Variants in FAH observed in about 807,000 individuals in gnomAD.
The protein encoded by FAH is fumarylacetoacetase.
FAH carries 47 observed loss-of-function variants against 55.8 expected under a neutral mutation model. That is an observed-to-expected ratio of 0.84 (90% CI 0.67 to 1.07). FAH has a LOEUF of 1.07. FAH is among the 50% of genes least tolerant of loss of function. The pLI, the probability that FAH is intolerant of heterozygous loss-of-function variation, is 0.00. For synonymous variants in FAH, 199 were observed against 207.7 expected, an observed-to-expected ratio of 0.96 and a Z score of 0.36; for missense variants, 495 against 545.9, an observed-to-expected ratio of 0.91 and a Z score of 0.93.
chr15:80,180,415 G>A, intron 12 of FAH, 190 bp downstream of exon 12: 1 of 606,258 alleles, frequency 1.6e-6, no homozygotes, highest in Admixed American at 2.5e-5. Context: ...CAAACCTAAA[G>A]AGACTGGTGT....
At position 80,160,410 on chromosome 15, in the gene FAH, T is replaced by G. The variant is rs1425547227; in HGVS notation, c.315T>G (p.Cys105Trp). Reference sequence around the variant, plus strand: ...TGAAGCCCCTGGTTCTGTGTTTCAGTGCATTCATCTCCCAGGCTTCTGCCA... The same window carrying G: ...TGAAGCCCCTGGTTCTGTGTTTCAGGGCATTCATCTCCCAGGCTTCTGCCA... ...RLRDDTELRK[C>W]AFISQASATM... The change falls in exon 4 of 14, where the codon TGT becomes TGG. Residue 105 changes from cysteine to tryptophan, a missense_variant and splice_region_variant. Cys to Trp is a radical substitution (Grantham distance 215). Transcript: ENST00000561421. 6.2e-7 allele frequency: 1 copy of G among 1,614,242 alleles called. No individual in the cohort carries two copies. Among genetic ancestry groups the G allele is most frequent in the Admixed American group, 1.7e-5 (1 of 60,032 alleles).
chr15:80,185,822 T>A (rs1190777280), intron 13 of FAH, among the ~76,000 whole-genome samples: 1 of 152,152 alleles, frequency 6.6e-6, no homozygotes, highest in African/African-American at 2.4e-5. Context: ...GGAGCTATAA[T>A]TCAAAATGAG....
Position 80,160,442 on chromosome 15 carries a change from A to G in FAH, c.347A>G (p.His116Arg). ...ATCTCCCAGGCTTCTGCCACGATGC[A>G]CCTTCCAGCCACCATAGGTGAGTGC... ...AFISQASATM[H>R]LPATIGDYTD... is the part of the protein sequence containing the mutation. Residue 116 changes from histidine to arginine, a missense_variant, in exon 4 of 14, where the codon CAC becomes CGC. By Grantham distance (29) the His-to-Arg change is conservative (BLOSUM62 0). Transcript: ENST00000561421. The G allele has an allele frequency of 6.2e-7, 1 of 1,614,142 alleles. No homozygotes were observed. The highest frequency in any genetic ancestry group is 1.1e-5 in the South Asian group (1 of 91,082).
chr15:80,162,223 T>A (rs2142093902), intron 4 of FAH, 23 bp from the exon 5 acceptor site: 2 of 1,595,194 alleles, frequency 1.3e-6, no homozygotes, highest in East Asian at 4.5e-5. Flanking sequence ...GCTGATGGGA[T>A]CTGTTGGGTC....
At chr15:80,163,233 A>C (rs2041164478) in intron 5 of FAH, 1 of 152,556 alleles carries the variant, frequency 6.6e-6, no homozygotes, top group African/African-American at 2.4e-5. Context: ...ATCTGAGACC[A>C]GAACCCAGGC....
chr15:80,161,786 AG>A (rs2041151635), intron 4 of FAH, among the ~76,000 whole-genome samples: 1 of 152,168 alleles, frequency 6.6e-6, no homozygotes, highest in African/African-American at 2.4e-5. Context: ...GGGGATTTGG[AG>A]GGGGAAGAGA....
chr15:80,183,200 G>A (rs965400988), intron 13 of FAH, among the ~76,000 whole-genome samples: 5 of 152,208 alleles, frequency 3.3e-5, no homozygotes, highest in Non-Finnish European at 5.9e-5. Flanking sequence ...AGAAGCACAT[G>A]TTGGCAAGTG....
At chr15:80,171,953 G>A (rs1224403876) in intron 7 of FAH, among the ~76,000 whole-genome samples, 196 bp from the exon 8 acceptor site, 31 of 152,152 alleles carry the variant, frequency 2.0e-4, no homozygotes, top group Non-Finnish European at 1.2e-4. Flanking sequence ...CGGGGGCAGG[G>A]CACACCACTG....
At chr15:80,162,367 T>C (rs2041156789) in intron 5 of FAH, 31 bp downstream of exon 5, 1 of 1,553,990 alleles carries the variant, frequency 6.4e-7, no homozygotes, top group Non-Finnish European at 8.9e-7. Context: ...CTGCATAAGT[T>C]CAAAGTCTTT....
At chr15:80,171,889 T>C (rs2041243870) in intron 7 of FAH, among the ~76,000 whole-genome samples, 1 of 152,120 alleles carries the variant, frequency 6.6e-6, no homozygotes, top group African/African-American at 2.4e-5. Context: ...TGGGATGCAC[T>C]GAAGGGAGGG....
chr15:80,172,860 C>T (rs978093043), intron 8 of FAH, among the ~76,000 whole-genome samples, 154 bp from the exon 9 acceptor site: 6 of 151,750 alleles, frequency 4.0e-5, no homozygotes, highest in Non-Finnish European at 5.9e-5. Flanking sequence ...ATTGAATGCT[C>T]TTGCCCCTTT....
rs79635104 is a variant in FAH at position 80,168,714 on chromosome 15, A to C, written c.606+398A>C. Among the ~76,000 whole-genome samples the C allele has an allele frequency of 9.0e-3, 1,371 of 152,224 alleles. 10 individuals are homozygous for C. The highest frequency in any genetic ancestry group is 0.027 in the Middle Eastern group (8 of 294). ...TGTCCTTTGTAGTCTATTCGGTGCCATGTTTTTTGCAGATCTGTGCTTTTT... is the reference window on the plus strand; with the variant it reads ...TGTCCTTTGTAGTCTATTCGGTGCCCTGTTTTTTGCAGATCTGTGCTTTTT... On this transcript the variant is annotated intron_variant, in intron 7 of 13. Transcript: ENST00000561421.
At chr15:80,171,742 G>A (rs987931399) in intron 7 of FAH, among the ~76,000 whole-genome samples, 1 of 152,184 alleles carries the variant, frequency 6.6e-6, no homozygotes, top group South Asian at 2.1e-4. Context: ...GATTATAGAC[G>A]TGAGCCACAG....
intron 3 of FAH, chr15:80,160,119 C>T (rs1292009764): frequency 9.4e-6 from 6 of 636,178 alleles, no homozygotes; most frequent in African/African-American, 9.1e-5. Context: ...TTGGCCCTCT[C>T]TCTTACTCAG....
intron 13 of FAH, among the ~76,000 whole-genome samples, chr15:80,183,856 A>AG (rs1462214442): frequency 2.0e-5 from 3 of 152,186 alleles, no homozygotes; most frequent in African/African-American, 7.2e-5. Context: ...ATACTTACCC[A>AG]GGATCACACA....
Position 80,186,022 on chromosome 15 carries a change from C to T in FAH, c.1181-108C>T, listed in dbSNP as rs920811538. On this transcript the variant is annotated intron_variant, in intron 13 of 13. Coordinates refer to ENST00000561421, the MANE Select transcript of FAH (RefSeq NM_000137.4). ...TATGTGTGTGTGATTCTGATGGCAC[C>T]TTCCTGCCTCGGGCCAGCTGTGTGC... 15 of 850,548 alleles carry T rather than the reference C, an allele frequency of 1.8e-5. No individual in the cohort carries two copies. In the African/African-American group the frequency reaches 2.3e-4, roughly 13 times the overall value. 52.7% of individuals were successfully genotyped at this position (850,548 alleles called of 1,614,324 possible).
chr15:80,159,502 C>T (rs2041129208), intron 2 of FAH, among the ~76,000 whole-genome samples: 1 of 152,218 alleles, frequency 6.6e-6, no homozygotes, highest in Non-Finnish European at 1.5e-5. Context: ...AGCACAGTTG[C>T]TGTGCCAGGT....
At chr15:80,178,670 G>A (rs186061473) in intron 11 of FAH, among the ~76,000 whole-genome samples, 76 of 150,172 alleles carry the variant, frequency 5.1e-4, no homozygotes, top group Middle Eastern at 3.4e-3. Context: ...TGCAAACTCC[G>A]CCTCCTGGGT....
In FAH at chr15:80,181,434, G is replaced by A. The variant is rs2041330494; in HGVS notation, c.1180+275G>A. 2.6e-5 allele frequency among the ~76,000 whole-genome samples: 4 copies of A among 152,110 alleles called. No individual in the cohort carries two copies. In the South Asian group the frequency reaches 8.3e-4, roughly 32 times the overall value. On this transcript the variant is annotated intron_variant, in intron 13 of 13. Transcript: ENST00000561421. ...ATAAAATACTGGCAGGTTCCTCAAG[G>A]TCTAGACTTTGCAGCAAACGCCCTG...
Sources: gnomAD v4.1 joint callset for allele counts (sites outside exome capture counted in the v4.1 genomes callset) on GRCh38, gnomAD v4.1.1 for gene constraint, MANE v1.5 for transcripts, NCBI Gene and HGNC (gene_info 2026-07-23, HGNC 2026-07-21) for gene names.